ESF1: variants seen among roughly 807,000 people sequenced by gnomAD.
The protein encoded by ESF1 is ESF1 homolog.
In ESF1, 58 loss-of-function variants were observed where a neutral mutation model predicts 92.0. The observed-to-expected ratio is 0.63, with a 90% CI of 0.51 to 0.78. ESF1 has a LOEUF of 0.78. Among genes scored for constraint, ESF1 ranks in the 30% least tolerant of loss-of-function variants. The probability of loss-of-function intolerance (pLI) is 0.00; values close to 1 mark genes in which losing one functional copy is unlikely to be tolerated. For synonymous variants in ESF1, 321 were observed against 313.7 expected, an observed-to-expected ratio of 1.02 and a Z score of -0.24; for missense variants, 922 against 989.1, an observed-to-expected ratio of 0.93 and a Z score of 0.91.
chr20:13,739,149 A>G (rs914236832), intron 9 of ESF1, among the ~76,000 whole-genome samples: 3 of 152,218 alleles, frequency 2.0e-5, no homozygotes, highest in African/African-American at 7.2e-5. Flanking sequence ...TGAAGCATCC[A>G]TAGAAAATAT....
intron 6 of ESF1, 103 bp downstream of exon 6, chr20:13,771,228 C>A: frequency 8.6e-7 from 1 of 1,159,648 alleles, no homozygotes. Flanking sequence ...GCAAAAAAAT[C>A]ATTTTAGAAT....
At chr20:13,730,396 T>C (rs899525858) in intron 10 of ESF1, among the ~76,000 whole-genome samples, 5 of 151,214 alleles carry the variant, frequency 3.3e-5, no homozygotes, top group African/African-American at 1.2e-4. Flanking sequence ...TTTTTTTTTT[T>C]TTTTTGAGAC....
rs1979460406 is a variant in ESF1 at position 13,767,020 on chromosome 20, G to GT, written c.1519-97dup. On this transcript the variant is annotated intron_variant, in intron 7 of 13. Coordinates refer to ENST00000617257, the MANE Select transcript of ESF1 (RefSeq NM_001276380.2). ...ATACTATTAACCTGGATGTTTAACAGTAAGTTAAAAGTTAAGACACATTAA... is the reference window on the plus strand; with the variant it reads ...ATACTATTAACCTGGATGTTTAACAGTTAAGTTAAAAGTTAAGACACATTAA... 7 of 1,203,944 alleles carry GT rather than the reference G, an allele frequency of 5.8e-6. No individual in the cohort carries two copies. In the East Asian group the frequency reaches 1.6e-4, roughly 28 times the overall value. 74.6% of individuals were successfully genotyped at this position (1,203,944 alleles called of 1,614,324 possible). A position where few individuals can be genotyped will look rare whatever the true frequency, so the allele number is the denominator to read the frequency against.
chr20:13,728,255 T>G (rs1405216670), intron 11 of ESF1, 123 bp downstream of exon 11: 2 of 684,074 alleles, frequency 2.9e-6, no homozygotes, highest in Non-Finnish European at 4.9e-6. Flanking sequence ...GACTTGCTTA[T>G]GTCACTAAGG....
chr20:13,718,499 A>G (rs1033040909), intron 12 of ESF1, among the ~76,000 whole-genome samples: 1 of 152,208 alleles, frequency 6.6e-6, no homozygotes, highest in Non-Finnish European at 1.5e-5. Context: ...TAAGAAAAAC[A>G]GAAATTTGCA....
intron 2 of ESF1, among the ~76,000 whole-genome samples, chr20:13,781,649 C>T (rs1453404355): frequency 1.3e-5 from 2 of 152,200 alleles, no homozygotes; most frequent in South Asian, 2.1e-4. Context: ...CATCTCTTCA[C>T]CAAAGTGTGA....
At position 13,714,789 on chromosome 20, in the gene ESF1, C is replaced by T; in HGVS notation, c.*85G>A. ...TTTTATTCATGTTCTTGAAAGATAG[C>T]TTTGTTCCCAATAAATATTCCCTCC... On this transcript the variant is annotated 3_prime_UTR_variant, in exon 14 of 14. Transcript: ENST00000617257. 8.7e-7 allele frequency: 1 copy of T among 1,150,864 alleles called. No homozygotes were observed. Among genetic ancestry groups the T allele is most frequent in the South Asian group, 1.7e-5 (1 of 58,558 alleles). The allele number at this position is 1,150,864 out of a possible 1,614,324, so 71.3% of individuals were successfully genotyped here. A position where few individuals can be genotyped will look rare whatever the true frequency, so the allele number is the denominator to read the frequency against.
At chr20:13,759,543 C>A in intron 9 of ESF1, 149 bp downstream of exon 9, 2 of 1,080,768 alleles carry the variant, frequency 1.9e-6, no homozygotes, top group Non-Finnish European at 1.2e-6. Context: ...TGGTAAGAGT[C>A]TAAAATGCTA....
At chr20:13,757,619 T>G (rs1283109930) in intron 9 of ESF1, among the ~76,000 whole-genome samples, 1 of 152,148 alleles carries the variant, frequency 6.6e-6, no homozygotes, top group Non-Finnish European at 1.5e-5. Flanking sequence ...CTCGGGCTGG[T>G]CTCGAACATC....
At chr20:13,777,424 G>C (rs1356740177) in intron 2 of ESF1, among the ~76,000 whole-genome samples, 2 of 152,106 alleles carry the variant, frequency 1.3e-5, no homozygotes, top group African/African-American at 4.8e-5. Flanking sequence ...GTTCAGTTTT[G>C]AATATGTTGA....
chr20:13,734,180 T>G (rs972357951), intron 9 of ESF1, among the ~76,000 whole-genome samples: 1 of 152,222 alleles, frequency 6.6e-6, no homozygotes, highest in African/African-American at 2.4e-5. Context: ...TGTTTTGAGA[T>G]GCTAAGAAAA....
At chr20:13,763,997 C>T (rs562193233) in intron 8 of ESF1, among the ~76,000 whole-genome samples, 8 of 151,984 alleles carry the variant, frequency 5.3e-5, no homozygotes, top group African/African-American at 1.9e-4. Flanking sequence ...CAATGATAGG[C>T]CAATCATGGG....
intron 2 of ESF1, among the ~76,000 whole-genome samples, chr20:13,779,162 T>C (rs1453614501): frequency 6.6e-6 from 1 of 152,218 alleles, no homozygotes; most frequent in East Asian, 1.9e-4. Context: ...CTAGACAGTA[T>C]TGCTCTAGTA....
At chr20:13,735,320 C>G (rs1271185084) in intron 9 of ESF1, among the ~76,000 whole-genome samples, 1 of 152,098 alleles carries the variant, frequency 6.6e-6, no homozygotes, top group Non-Finnish European at 1.5e-5. Flanking sequence ...TATGCACACT[C>G]AAGGTAACAC....
intron 11 of ESF1, among the ~76,000 whole-genome samples, chr20:13,723,463 T>TATTTC (rs2147721443): frequency 6.6e-6 from 1 of 151,838 alleles, no homozygotes; most frequent in South Asian, 2.1e-4. Context: ...ATTTTTCTAA[T>TATTTC]ATTTCATTTC....
chr20:13,731,717 T>C (rs192012571), intron 10 of ESF1, among the ~76,000 whole-genome samples: 1 of 152,320 alleles, frequency 6.6e-6, no homozygotes, highest in East Asian at 1.9e-4. Context: ...CTATAGTCTT[T>C]TGTGTTCGGT....
chr20:13,721,084 C>G lies in ESF1; in HGVS notation c.2039-2100G>C, dbSNP rs546805036. 7.9e-5 allele frequency among the ~76,000 whole-genome samples: 12 copies of G among 152,166 alleles called. No homozygotes were observed. In the South Asian group the frequency reaches 2.5e-3, roughly 32 times the overall value. On this transcript the variant is annotated intron_variant, in intron 11 of 13. Coordinates refer to ENST00000617257, the MANE Select transcript of ESF1 (RefSeq NM_001276380.2). ...GTTGCAGTGAGCAGAGATTGTGCCA[C>G]TGCACTCCAGCCTGGGCAACAGAGC...
At chr20:13,722,041 C>G (rs933709964) in intron 11 of ESF1, among the ~76,000 whole-genome samples, 3 of 152,020 alleles carry the variant, frequency 2.0e-5, no homozygotes, top group Admixed American at 6.6e-5. Context: ...AATGAATGGA[C>G]AAATGACATA....
intron 9 of ESF1, among the ~76,000 whole-genome samples, chr20:13,748,123 A>G (rs1471790775): frequency 1.3e-5 from 2 of 152,192 alleles, no homozygotes; most frequent in South Asian, 2.1e-4. Flanking sequence ...GTCGTTATAC[A>G]GGGTATGACT....
Sources: gnomAD v4.1 joint callset for allele counts (sites outside exome capture counted in the v4.1 genomes callset) on GRCh38, gnomAD v4.1.1 for gene constraint, MANE v1.5 for transcripts, NCBI Gene and HGNC (gene_info 2026-07-23, HGNC 2026-07-21) for gene names.